The following MMP16 variants were observed in gnomAD, a reference collection of about 807,000 sequenced individuals.
The protein encoded by MMP16 is matrix metallopeptidase 16, also known as matrix metalloproteinase-16.
MMP16 carries 12 observed loss-of-function variants against 67.8 expected under a neutral mutation model. The ratio of observed to expected loss-of-function variants is 0.18; its 90% CI spans 0.11 to 0.29. The LOEUF (loss-of-function observed/expected upper bound fraction) is 0.29. Ranked by LOEUF, MMP16 falls within the 10% of genes least tolerant of loss-of-function variation. The pLI is 1.00. For missense variants in MMP16, 475 were observed against 765.7 expected, an observed-to-expected ratio of 0.62 and a Z score of 4.48; for synonymous variants, 249 against 255.9, an observed-to-expected ratio of 0.97 and a Z score of 0.26.
intron 1 of MMP16, among the ~76,000 whole-genome samples, chr8:88,318,475 C>T (rs1159361656): frequency 6.6e-6 from 1 of 152,106 alleles, no homozygotes; most frequent in East Asian, 1.9e-4. Context: ...ATATTAGTTA[C>T]ATCATTTTAG....
intron 6 of MMP16, 130 bp from the exon 7 acceptor site, chr8:88,074,873 A>G (rs1342160333): frequency 2.5e-6 from 3 of 1,207,736 alleles, no homozygotes; most frequent in Non-Finnish European, 3.4e-6. Context: ...TCAGTCAGAG[A>G]AAGAGCTAAA....
At chr8:88,143,179 G>A (rs1387425874) in intron 4 of MMP16, among the ~76,000 whole-genome samples, 4 of 152,000 alleles carry the variant, frequency 2.6e-5, no homozygotes, top group Admixed American at 2.6e-4. Context: ...TGAATAGGAA[G>A]GGTGGTGGTA....
chr8:88,308,141 G>A (rs573631283), intron 1 of MMP16, among the ~76,000 whole-genome samples: 12 of 152,028 alleles, frequency 7.9e-5, no homozygotes, highest in Non-Finnish European at 1.5e-4. Flanking sequence ...CATCATAAAT[G>A]CATTACTGGC....
At chr8:88,190,258 A>C (rs984885715) in intron 2 of MMP16, among the ~76,000 whole-genome samples, 1 of 152,212 alleles carries the variant, frequency 6.6e-6, no homozygotes, top group Non-Finnish European at 1.5e-5. Context: ...TCTGGCACAG[A>C]GATATTAGTG....
chr8:88,123,335 A>T (rs879865194), intron 4 of MMP16, among the ~76,000 whole-genome samples: 6 of 151,914 alleles, frequency 3.9e-5, no homozygotes, highest in African/African-American at 7.2e-5. Flanking sequence ...GCTTGGTATA[A>T]CTCTTGGTCT....
At chr8:88,077,144 G>A (rs1196277462) in intron 6 of MMP16, among the ~76,000 whole-genome samples, 2 of 152,176 alleles carry the variant, frequency 1.3e-5, no homozygotes, top group Non-Finnish European at 2.9e-5. Flanking sequence ...GGTTTTTGTT[G>A]ACAGCAGCCT....
intron 4 of MMP16, among the ~76,000 whole-genome samples, chr8:88,154,746 T>C (rs529433909): frequency 2.0e-5 from 3 of 147,912 alleles, no homozygotes; most frequent in Admixed American, 6.8e-5. Context: ...AGGGATAGCA[T>C]TGGGAGATAT....
At position 88,041,856 on chromosome 8, in the gene MMP16, G is replaced by T. The variant is rs1426696243; in HGVS notation, c.1490-61C>A. On this transcript the variant is annotated intron_variant, in intron 9 of 9. Coordinates refer to ENST00000286614, the MANE Select transcript of MMP16 (RefSeq NM_005941.5). This position sits in a 1 kb window ranked among gnomAD's most constrained non-coding sequence, Gnocchi z 6.0. ...TTATTTGTGACAGTGTATATGTAGA[G>T]AAATGTTACTAAAATAGGCTATGTC... The T allele has an allele frequency of 4.0e-6, 5 of 1,251,254 alleles. No individual in the cohort carries two copies. Among genetic ancestry groups the T allele is most frequent in the East Asian group, 2.4e-5 (1 of 42,394 alleles). The allele number at this position is 1,251,254 out of a possible 1,614,324, so 77.5% of individuals were successfully genotyped here. A position where few individuals can be genotyped will look rare whatever the true frequency, so the allele number is the denominator to read the frequency against.
intron 1 of MMP16, among the ~76,000 whole-genome samples, chr8:88,217,205 A>T (rs1015799579): frequency 6.6e-5 from 10 of 152,222 alleles, no homozygotes; most frequent in Middle Eastern, 3.4e-3. Flanking sequence ...GCTGCTTTAA[A>T]TAGATAATGG....
chr8:88,166,441 CTTATA>C, intron 4 of MMP16, among the ~76,000 whole-genome samples: 1 of 151,492 alleles, frequency 6.6e-6, no homozygotes, highest in South Asian at 2.1e-4. Context: ...ACACATGCCT[CTTATA>C]TTAAGTAACC....
At chr8:88,158,006 A>C (rs1159645089) in intron 4 of MMP16, among the ~76,000 whole-genome samples, 2 of 152,072 alleles carry the variant, frequency 1.3e-5, no homozygotes, top group Non-Finnish European at 2.9e-5. Context: ...TGAACTCATC[A>C]TTTTTTATGG....
At chr8:88,120,332 G>T (rs1272041786) in intron 4 of MMP16, among the ~76,000 whole-genome samples, 1 of 151,936 alleles carries the variant, frequency 6.6e-6, no homozygotes, top group Non-Finnish European at 1.5e-5. Context: ...GGAAAGAAAA[G>T]AAGCTATATT....
At chr8:88,184,986 T>G (rs28542805) in intron 3 of MMP16, among the ~76,000 whole-genome samples, 36,976 of 151,768 alleles carry the variant, frequency 0.24, 4,829 homozygotes, top group Middle Eastern at 0.31. Flanking sequence ...ATATGTGAAG[T>G]AAAAATATCT....
At chr8:88,239,529 ATTT>A (rs34718876) in intron 1 of MMP16, among the ~76,000 whole-genome samples, 12 of 147,978 alleles carry the variant, frequency 8.1e-5, no homozygotes, top group African/African-American at 3.0e-4. Flanking sequence ...GTGTTATAAA[ATTT>A]TTTTTTTTTT....
chr8:88,214,320 T>C (rs1204591890), intron 1 of MMP16, among the ~76,000 whole-genome samples: 2 of 152,160 alleles, frequency 1.3e-5, no homozygotes, highest in Admixed American at 6.6e-5. Context: ...AATGAAACCA[T>C]TCCAATCCAT....
At chr8:88,157,482 T>C (rs906844547) in intron 4 of MMP16, among the ~76,000 whole-genome samples, 1 of 151,738 alleles carries the variant, frequency 6.6e-6, no homozygotes, top group Non-Finnish European at 1.5e-5. Flanking sequence ...CATGAGCAAA[T>C]TTATCAACTG....
intron 3 of MMP16, among the ~76,000 whole-genome samples, chr8:88,170,837 T>C (rs1808788214): frequency 1.3e-5 from 2 of 152,056 alleles, no homozygotes; most frequent in South Asian, 2.1e-4. Context: ...AATCACTGTG[T>C]CTGATGGAAA....
chr8:88,288,523 AT>A (rs1810869747), intron 1 of MMP16, among the ~76,000 whole-genome samples: 1 of 152,168 alleles, frequency 6.6e-6, no homozygotes, highest in Non-Finnish European at 1.5e-5. Flanking sequence ...TCATTCCCTA[AT>A]TGCTAAACAT....
intron 1 of MMP16, among the ~76,000 whole-genome samples, chr8:88,213,573 C>G (rs1809544247): frequency 6.6e-6 from 1 of 152,018 alleles, no homozygotes; most frequent in African/African-American, 2.4e-5. Flanking sequence ...TTTCCTAAAA[C>G]TTAGAGCAAA....
Sources: allele counts gnomAD v4.1 joint callset (sites outside exome capture counted in the v4.1 genomes callset), GRCh38; gene constraint gnomAD v4.1.1; non-coding constraint Gnocchi (gnomAD v3.1); transcripts MANE v1.5; gene names NCBI Gene and HGNC (gene_info 2026-07-23, HGNC 2026-07-21).